The following ANKS1B variants were observed in gnomAD, a reference collection of about 807,000 sequenced individuals.
ANKS1B encodes the protein ankyrin repeat and sterile alpha motif domain containing 1B, also known as ankyrin repeat and sterile alpha motif domain-containing protein 1B.
In ANKS1B, 36 loss-of-function variants were observed where a neutral mutation model predicts 148.3. The observed-to-expected ratio is 0.24, with a 90% CI of 0.19 to 0.32. The LOEUF (loss-of-function observed/expected upper bound fraction) is 0.32. Among genes scored for constraint, ANKS1B ranks in the 10% least tolerant of loss-of-function variants. The pLI is 1.00. For missense variants in ANKS1B, 1,157 were observed against 1,542.6 expected (o/e 0.75, Z 4.19); for synonymous variants, 542 against 560.8 (o/e 0.97, Z 0.47).
chr12:99,778,571 T>C (rs1271650656), intron 6 of ANKS1B, among the ~76,000 whole-genome samples: 1 of 149,080 alleles, frequency 6.7e-6, no homozygotes, highest in African/African-American at 2.5e-5. Flanking sequence ...ACAAAGTGCA[T>C]AGAGGGAGAA....
rs200829761 is a variant in ANKS1B at position 99,251,325 on chromosome 12, CAATA to C, written c.1757-4465_1757-4462del. 9.5e-3 allele frequency among the ~76,000 whole-genome samples: 1,448 copies of C among 152,224 alleles called. 20 individuals carry two copies. The highest frequency in any genetic ancestry group is 0.033 in the African/African-American group (1,365 of 41,522). On this transcript the variant is annotated intron_variant, in intron 12 of 26. Transcript: ENST00000683438. ...TACAGTAATAACTGTATTAGACACTCAATAAAGATTATTTTGACATAATAATCAT... is the reference window on the plus strand; with the variant it reads ...TACAGTAATAACTGTATTAGACACTCAAGATTATTTTGACATAATAATCAT...
At chr12:98,990,503 G>C (rs2099925960) in intron 17 of ANKS1B, among the ~76,000 whole-genome samples, 1 of 149,246 alleles carries the variant, frequency 6.7e-6, no homozygotes, top group Non-Finnish European at 1.5e-5. Flanking sequence ...ATGGCCTGGA[G>C]AAAAGAGATG....
chr12:98,860,963 T>C (rs563438406), intron 17 of ANKS1B, among the ~76,000 whole-genome samples: 3 of 152,346 alleles, frequency 2.0e-5, no homozygotes, highest in South Asian at 2.1e-4. Context: ...TTCATTGATA[T>C]AATTTGTTTT....
chr12:99,128,368 G>A (rs1284519773), intron 15 of ANKS1B, among the ~76,000 whole-genome samples: 1 of 152,220 alleles, frequency 6.6e-6, no homozygotes, highest in Admixed American at 6.5e-5. Context: ...CTAGTGTCCT[G>A]TTGCTGCATG....
chr12:99,616,324 C>T (rs1221807763), intron 9 of ANKS1B, among the ~76,000 whole-genome samples: 2 of 152,122 alleles, frequency 1.3e-5, no homozygotes, highest in South Asian at 2.1e-4. Context: ...AAAGAGCCTG[C>T]GTAGCCAGGA....
In ANKS1B at chr12:99,984,891, G is replaced by A. The variant is rs1183833040; in HGVS notation, c.-654C>T. Among the ~76,000 whole-genome samples, 1 of 149,018 alleles carries A rather than the reference G, an allele frequency of 6.7e-6. No homozygotes were observed. On this transcript the variant is annotated 5_prime_UTR_variant, in exon 1 of 27. Transcript: ENST00000683438. Reference sequence around the variant, plus strand: ...CCTGGCGCGCGGGGGGCGTGTGCGCGCGGGCAGGTGCGGCCCCTGGTGCGG... The same window carrying A: ...CCTGGCGCGCGGGGGGCGTGTGCGCACGGGCAGGTGCGGCCCCTGGTGCGG...
At chr12:99,824,561 A>C (rs2082928739) in intron 2 of ANKS1B, among the ~76,000 whole-genome samples, 1 of 151,990 alleles carries the variant, frequency 6.6e-6, no homozygotes, top group Admixed American at 6.6e-5. Context: ...TGGATCATTC[A>C]CACAAAGGGA....
At chr12:99,955,311 G>T (rs1166006955) in intron 1 of ANKS1B, among the ~76,000 whole-genome samples, 1 of 151,544 alleles carries the variant, frequency 6.6e-6, no homozygotes, top group Non-Finnish European at 1.5e-5. Flanking sequence ...TGGCTGACAC[G>T]GTGAAACCCC....
chr12:99,373,169 G>A (rs1424659197), intron 12 of ANKS1B, among the ~76,000 whole-genome samples: 1 of 152,062 alleles, frequency 6.6e-6, no homozygotes, highest in African/African-American at 2.4e-5. Context: ...TAGTGAACTT[G>A]ACCACTAGTG....
At chr12:99,125,924 T>C (rs1002027868) in intron 15 of ANKS1B, among the ~76,000 whole-genome samples, 16 of 152,006 alleles carry the variant, frequency 1.1e-4, no homozygotes, top group African/African-American at 2.9e-4. Context: ...CTGATCTCTA[T>C]AGGATGTCAC....
chr12:99,576,097 A>G (rs1327341433), intron 9 of ANKS1B, among the ~76,000 whole-genome samples: 3 of 152,140 alleles, frequency 2.0e-5, no homozygotes, highest in African/African-American at 4.8e-5. Context: ...AGAGGTTGCT[A>G]TTCTTATTTG....
chr12:99,044,125 A>G (rs2099960786), intron 17 of ANKS1B, among the ~76,000 whole-genome samples: 2 of 152,236 alleles, frequency 1.3e-5, no homozygotes, highest in Admixed American at 1.3e-4. Flanking sequence ...ATACTATATA[A>G]TAATCTACTA....
chr12:99,468,754 C>T (rs1005179567), intron 10 of ANKS1B, among the ~76,000 whole-genome samples: 6 of 152,130 alleles, frequency 3.9e-5, no homozygotes, highest in Non-Finnish European at 5.9e-5. Flanking sequence ...CATCTCACAC[C>T]AGTTAGAATG....
chr12:99,979,256 G>T (rs756945386), intron 1 of ANKS1B, among the ~76,000 whole-genome samples: 8 of 152,032 alleles, frequency 5.3e-5, no homozygotes, highest in Non-Finnish European at 8.8e-5. Flanking sequence ...CACAAAAAAA[G>T]AAATATATAC....
At chr12:99,228,210 C>T (rs1369801773) in intron 14 of ANKS1B, among the ~76,000 whole-genome samples, 5 of 152,032 alleles carry the variant, frequency 3.3e-5, no homozygotes, top group South Asian at 4.1e-4. Flanking sequence ...TTGGTGCAGA[C>T]GGAGGAGTAG....
chr12:99,684,714 A>T (rs1268732223), intron 8 of ANKS1B, among the ~76,000 whole-genome samples: 3 of 152,108 alleles, frequency 2.0e-5, no homozygotes, highest in Non-Finnish European at 4.4e-5. Flanking sequence ...AGCTTGGTAC[A>T]GGTATTAAAA....
At chr12:99,349,943 CATTTT>C (rs2091210911) in intron 12 of ANKS1B, among the ~76,000 whole-genome samples, 1 of 151,942 alleles carries the variant, frequency 6.6e-6, no homozygotes, top group Non-Finnish European at 1.5e-5. Context: ...TAAAATGGCA[CATTTT>C]ATGTTATGTA....
intron 8 of ANKS1B, among the ~76,000 whole-genome samples, chr12:99,683,115 G>A (rs371779089): frequency 1.3e-5 from 2 of 152,064 alleles, no homozygotes; most frequent in African/African-American, 4.8e-5. Context: ...AGAACAGTAT[G>A]AGAGAAACTG....
intron 1 of ANKS1B, among the ~76,000 whole-genome samples, chr12:99,894,500 C>A (rs544848984): frequency 4.6e-5 from 6 of 129,184 alleles, no homozygotes; most frequent in East Asian, 2.0e-4. Flanking sequence ...CAGAGCGGGA[C>A]CCTGTCTCAA....
Sources: gnomAD v4.1 joint callset for allele counts (sites outside exome capture counted in the v4.1 genomes callset) on GRCh38, gnomAD v4.1.1 for gene constraint, MANE v1.5 for transcripts, NCBI Gene and HGNC (gene_info 2026-07-23, HGNC 2026-07-21) for gene names.